Variants in CDH18 observed in about 807,000 individuals in gnomAD.
CDH18 encodes the protein cadherin-18.
In CDH18, 31 loss-of-function variants were observed where a neutral mutation model predicts 67.9. That is an observed-to-expected ratio of 0.46 (90% CI 0.34 to 0.62). The LOEUF (loss-of-function observed/expected upper bound fraction) is 0.62. CDH18 is among the 20% of genes least tolerant of loss of function. CDH18 has a pLI of 0.01. For missense variants in CDH18, 890 were observed against 975.5 expected (o/e 0.91, Z 1.17); for synonymous variants, 362 against 347.2 (o/e 1.04, Z -0.48).
At chr5:19,730,318 T>A (rs1172941406) in intron 4 of CDH18, among the ~76,000 whole-genome samples, 1 of 152,228 alleles carries the variant, frequency 6.6e-6, no homozygotes, top group Admixed American at 6.5e-5. Flanking sequence ...ACAGAAGGTA[T>A]TAACAGATTT....
At chr5:19,542,144 T>C (rs772185512) in intron 9 of CDH18, among the ~76,000 whole-genome samples, 7 of 152,068 alleles carry the variant, frequency 4.6e-5, no homozygotes, top group Non-Finnish European at 8.8e-5. Flanking sequence ...GACACCAAAA[T>C]CCAAGTAGAA....
chr5:19,971,866 G>C (rs1287365339), intron 2 of CDH18, among the ~76,000 whole-genome samples: 5 of 151,780 alleles, frequency 3.3e-5, no homozygotes, highest in African/African-American at 1.2e-4. Flanking sequence ...AAAAGAGAGA[G>C]AGAGAGAGAA....
chr5:19,482,002 C>T (rs1340467655), intron 12 of CDH18, among the ~76,000 whole-genome samples: 1 of 152,014 alleles, frequency 6.6e-6, no homozygotes, highest in Non-Finnish European at 1.5e-5. Context: ...TATAGAAGCT[C>T]TTCATGCGGC....
intron 1 of CDH18, among the ~76,000 whole-genome samples, chr5:20,376,477 T>G (rs1314041034): frequency 6.6e-6 from 1 of 151,738 alleles, no homozygotes; most frequent in Non-Finnish European, 1.5e-5. Context: ...TTGCTTTCAA[T>G]TGAATGATGT....
At chr5:20,244,594 A>G (rs1425717634) in intron 2 of CDH18, among the ~76,000 whole-genome samples, 1 of 152,266 alleles carries the variant, frequency 6.6e-6, no homozygotes, top group East Asian at 1.9e-4. Flanking sequence ...GTAATAACTT[A>G]AGCCTAAAAA....
In CDH18 at chr5:20,567,391, C is replaced by G. The variant is rs1758576524; in HGVS notation, c.-580+8071G>C. On this transcript the variant is annotated intron_variant, in intron 1 of 14. Coordinates refer to the CDH18 transcript ENST00000507958. The stretch of plus-strand genomic sequence containing the variant: ...TTGAAATATTTTGTTTTCTCAATGA[C>G]AGCTACTTATTGAGAATATGAGAAC... Among the ~76,000 whole-genome samples, 3 of 151,668 alleles carry G rather than the reference C, an allele frequency of 2.0e-5. No homozygotes were observed. The South Asian group carries it at 6.3e-4, about 32-fold the overall frequency.
At chr5:19,674,763 C>CAA (rs1379903920) in intron 5 of CDH18, among the ~76,000 whole-genome samples, 2 of 151,980 alleles carry the variant, frequency 1.3e-5, no homozygotes, top group Non-Finnish European at 2.9e-5. Flanking sequence ...CTGTTGGTAG[C>CAA]AAAAACTTAA....
intron 1 of CDH18, among the ~76,000 whole-genome samples, chr5:20,310,340 A>G (rs1736874111): frequency 6.6e-6 from 1 of 152,228 alleles, no homozygotes. Flanking sequence ...AAACTCCACA[A>G]GCATATAGAC....
intron 1 of CDH18, chr5:20,305,648 G>T (rs976859392): frequency 1.1e-5 from 5 of 438,512 alleles, no homozygotes; most frequent in Non-Finnish European, 2.1e-5. Flanking sequence ...TGTCCGGGGG[G>T]TGGGGGGAGC....
intron 6 of CDH18, among the ~76,000 whole-genome samples, chr5:19,591,833 T>C (rs1301766880): frequency 6.6e-6 from 1 of 152,088 alleles, no homozygotes; most frequent in Non-Finnish European, 1.5e-5. Flanking sequence ...GGTGGCTTCA[T>C]AATAAAGTTT....
intron 3 of CDH18, among the ~76,000 whole-genome samples, chr5:19,753,849 C>A (rs1215080506): frequency 6.6e-6 from 1 of 152,084 alleles, no homozygotes. Flanking sequence ...AAACAACTAT[C>A]AGCCAAGAAT....
At chr5:19,645,373 G>C (rs1200897607) in intron 5 of CDH18, among the ~76,000 whole-genome samples, 1 of 152,186 alleles carries the variant, frequency 6.6e-6, no homozygotes, top group Non-Finnish European at 1.5e-5. Flanking sequence ...GAGGGAACTA[G>C]TGGAGTCCAA....
In CDH18 at chr5:20,306,923, C is replaced by A. The variant is rs1736513924; in HGVS notation, c.-579-51418G>T. Reference sequence around the variant, plus strand: ...ATTTGTTGAATAACTTGAAATAATTCTCAATGAATTTATGCCATAGTTATA... The same window carrying A: ...ATTTGTTGAATAACTTGAAATAATTATCAATGAATTTATGCCATAGTTATA... On this transcript the variant is annotated intron_variant, in intron 1 of 14. Transcript: ENST00000507958. 2.0e-5 allele frequency among the ~76,000 whole-genome samples: 3 copies of A among 150,758 alleles called. No individual in the cohort carries two copies. The South Asian group carries it at 6.4e-4, about 32-fold the overall frequency.
intron 5 of CDH18, among the ~76,000 whole-genome samples, chr5:19,719,020 T>C (rs113076625): frequency 6.6e-6 from 1 of 152,010 alleles, no homozygotes; most frequent in African/African-American, 2.4e-5. Flanking sequence ...TATTAGAGCA[T>C]TGGTCTCAGT....
chr5:19,774,808 C>CAAAAAAAAAAAAAAAAAAAAAAAAA (rs59248561), intron 3 of CDH18, among the ~76,000 whole-genome samples: 2 of 35,414 alleles, frequency 5.6e-5, no homozygotes, highest in Non-Finnish European at 1.0e-4. Context: ...GACTCTGTCT[C>CAAAAAAAAAAAAAAAAAAAAAAAAA]AAAAAAAAAA....
chr5:20,551,010 A>G (rs908103492), intron 1 of CDH18, among the ~76,000 whole-genome samples: 1 of 152,162 alleles, frequency 6.6e-6, no homozygotes. Context: ...AGAATAACAG[A>G]ATGAGAACTC....
At chr5:19,540,557 G>A in intron 9 of CDH18, among the ~76,000 whole-genome samples, 1 of 152,250 alleles carries the variant, frequency 6.6e-6, no homozygotes, top group East Asian at 1.9e-4. Flanking sequence ...CTGTCTGGGT[G>A]TCCAGGGGTT....
intron 3 of CDH18, among the ~76,000 whole-genome samples, chr5:19,782,068 G>A (rs1775175401): frequency 1.3e-5 from 2 of 151,924 alleles, no homozygotes; most frequent in South Asian, 2.1e-4. Flanking sequence ...ATAAAAAAAA[G>A]CAAACACACC....
chr5:20,215,789 C>T (rs1740722188), intron 2 of CDH18, among the ~76,000 whole-genome samples: 1 of 151,912 alleles, frequency 6.6e-6, no homozygotes, highest in Admixed American at 6.6e-5. Context: ...GAATACTGTG[C>T]ATTCATTAGA....
Sources: allele counts gnomAD v4.1 joint callset (sites outside exome capture counted in the v4.1 genomes callset), GRCh38; gene constraint gnomAD v4.1.1; transcripts MANE v1.5; gene names NCBI Gene and HGNC (gene_info 2026-07-23, HGNC 2026-07-21).